Variants in KIAA1217 observed in about 807,000 individuals in gnomAD.
The protein encoded by KIAA1217 is KIAA1217.
KIAA1217 carries 88 observed loss-of-function variants against 163.9 expected under a neutral mutation model. The ratio of observed to expected loss-of-function variants is 0.54; its 90% confidence interval spans 0.45 to 0.64. The LOEUF (loss-of-function observed/expected upper bound fraction) is 0.64. Among genes scored for constraint, KIAA1217 ranks in the 30% least tolerant of loss-of-function variants. The pLI, the probability that KIAA1217 is intolerant of heterozygous loss-of-function variation, is 0.00. For missense variants in KIAA1217, 2,372 were observed against 2,475.0 expected (o/e 0.96, Z 0.88); for synonymous variants, 903 against 923.1 (o/e 0.98, Z 0.39).
At chr10:24,390,681 G>A (rs891855821) in intron 3 of KIAA1217, among the ~76,000 whole-genome samples, 5 of 152,190 alleles carry the variant, frequency 3.3e-5, no homozygotes, top group Admixed American at 6.5e-5. Flanking sequence ...TTGATGTAAT[G>A]AATGTCCTGA....
chr10:23,985,612 C>T (rs936967483), intron 1 of KIAA1217, among the ~76,000 whole-genome samples: 1 of 152,198 alleles, frequency 6.6e-6, no homozygotes, highest in African/African-American at 2.4e-5. Context: ...TACAGAGGCA[C>T]TCCACTTCTA....
At chr10:24,448,246 TG>T (rs146926886) in intron 5 of KIAA1217, among the ~76,000 whole-genome samples, 13 of 151,448 alleles carry the variant, frequency 8.6e-5, no homozygotes, top group South Asian at 6.3e-4. Flanking sequence ...TTTTTTTGCG[TG>T]GGGGGGGCTG....
intron 6 of KIAA1217, among the ~76,000 whole-genome samples, chr10:24,477,038 C>T (rs950923973): frequency 3.9e-5 from 6 of 152,202 alleles, no homozygotes; most frequent in African/African-American, 1.4e-4. Context: ...CTTTTGCCCT[C>T]AGCACTCCTA....
intron 6 of KIAA1217, among the ~76,000 whole-genome samples, chr10:24,483,899 A>AC (rs2065016168): frequency 6.6e-6 from 1 of 152,016 alleles, no homozygotes; most frequent in Non-Finnish European, 1.5e-5. Context: ...GGCTCTAGGC[A>AC]CCCAGCAGAG....
chr10:24,395,920 T>C (rs528109170), intron 3 of KIAA1217, among the ~76,000 whole-genome samples: 1 of 152,346 alleles, frequency 6.6e-6, no homozygotes, highest in East Asian at 1.9e-4. Flanking sequence ...GGTGGTCATC[T>C]ACCTCAGCCT....
intron 1 of KIAA1217, among the ~76,000 whole-genome samples, chr10:23,733,211 C>T (rs1213779744): frequency 6.6e-6 from 1 of 152,056 alleles, no homozygotes; most frequent in African/African-American, 2.4e-5. Context: ...TGGAGTTTCA[C>T]CATATTGGCC....
intron 1 of KIAA1217, among the ~76,000 whole-genome samples, chr10:23,929,958 C>T (rs904055787): frequency 2.0e-5 from 3 of 152,160 alleles, no homozygotes; most frequent in Non-Finnish European, 4.4e-5. Flanking sequence ...TGGGAAATCT[C>T]TGAGCTGATT....
chr10:24,032,211 A>G (rs1173801669), intron 2 of KIAA1217, among the ~76,000 whole-genome samples: 1 of 152,166 alleles, frequency 6.6e-6, no homozygotes, highest in African/African-American at 2.4e-5. Flanking sequence ...TTACAGTCAA[A>G]GAATTAATAA....
At chr10:24,437,703 G>A (rs997249580) in intron 4 of KIAA1217, among the ~76,000 whole-genome samples, 9 of 152,050 alleles carry the variant, frequency 5.9e-5, no homozygotes, top group Admixed American at 2.0e-4. Flanking sequence ...TCTAAGAGCC[G>A]GGTTCAGAGA....
chr10:23,699,489 G>A (rs1836280048), intron 1 of KIAA1217, among the ~76,000 whole-genome samples: 2 of 152,188 alleles, frequency 1.3e-5, no homozygotes, highest in South Asian at 4.1e-4. Flanking sequence ...ATTGGATGGT[G>A]CTTGCATCTG....
chr10:23,771,600 G>A (rs893323197), intron 1 of KIAA1217, among the ~76,000 whole-genome samples: 1 of 152,216 alleles, frequency 6.6e-6, no homozygotes, highest in African/African-American at 2.4e-5. Context: ...GGTACATAAT[G>A]TGTTCTGATT....
intron 1 of KIAA1217, among the ~76,000 whole-genome samples, chr10:23,783,361 A>G (rs888630543): frequency 6.6e-6 from 1 of 152,184 alleles, no homozygotes; most frequent in Non-Finnish European, 1.5e-5. Flanking sequence ...GTCATATATT[A>G]CATTGATTTA....
At chr10:23,747,756 T>C (rs1045094906) in intron 1 of KIAA1217, among the ~76,000 whole-genome samples, 2 of 152,204 alleles carry the variant, frequency 1.3e-5, no homozygotes, top group Admixed American at 6.5e-5. Flanking sequence ...CTGGCTGGCC[T>C]CTTTGCAAAA....
chr10:24,410,008 T>C (rs983137312), intron 3 of KIAA1217, among the ~76,000 whole-genome samples: 8 of 148,296 alleles, frequency 5.4e-5, no homozygotes, highest in Non-Finnish European at 1.2e-4. Flanking sequence ...TTTTTTTTTT[T>C]TTTTTTGAGA....
chr10:24,371,778 A>G (rs1410577858), intron 2 of KIAA1217, among the ~76,000 whole-genome samples: 2 of 152,234 alleles, frequency 1.3e-5, no homozygotes, highest in East Asian at 3.8e-4. Context: ...GTCACCATAG[A>G]CAGGAATCCT....
At chr10:23,926,726 A>AAAATAAATAAATAAAT (rs71397924) in intron 1 of KIAA1217, among the ~76,000 whole-genome samples, 19,087 of 143,752 alleles carry the variant, frequency 0.13, 1,691 homozygotes, top group African/African-American at 0.23. Flanking sequence ...TTCTGTCTCA[A>AAAATAAATAAATAAAT]AAATAAATAA....
intron 1 of KIAA1217, among the ~76,000 whole-genome samples, chr10:23,737,292 A>T (rs7899462): frequency 6.6e-6 from 1 of 151,904 alleles, no homozygotes; most frequent in Non-Finnish European, 1.5e-5. Context: ...TCTGCCTCCC[A>T]GGTTCAAGCG....
chr10:23,875,972 A>C lies in KIAA1217; in HGVS notation c.-320-131253A>C, dbSNP rs117695084. The stretch of plus-strand genomic sequence containing the variant: ...CGGGGGGTGGGGGGCTGGGTGAGGG[A>C]TAGCACTGGGAGAAATACCTAATGT... On this transcript the variant is annotated intron_variant, in intron 1 of 18. Transcript: ENST00000376462. 6.7e-3 allele frequency among the ~76,000 whole-genome samples: 1,023 copies of C among 151,850 alleles called. 10 individuals are homozygous for C. Among genetic ancestry groups the C allele is most frequent in the Non-Finnish European group, 0.011 (719 of 67,900 alleles).
chr10:24,522,910 G>A (rs1254753861), intron 12 of KIAA1217, among the ~76,000 whole-genome samples: 1 of 152,210 alleles, frequency 6.6e-6, no homozygotes, highest in African/African-American at 2.4e-5. Flanking sequence ...AGGAGGTGGA[G>A]GCTACAGTGA....
Sources: allele counts gnomAD v4.1 joint callset (sites outside exome capture counted in the v4.1 genomes callset), GRCh38; gene constraint gnomAD v4.1.1; transcripts MANE v1.5; gene names NCBI Gene and HGNC (gene_info 2026-07-23, HGNC 2026-07-21).